STXBP5L: variants seen among roughly 807,000 people sequenced by gnomAD.
The protein encoded by STXBP5L is syntaxin-binding protein 5-like.
Under a neutral mutation model 144.5 loss-of-function variants are expected in STXBP5L, and 65 were observed. That is an observed-to-expected ratio of 0.45 (90% CI 0.37 to 0.55). The LOEUF is 0.55. STXBP5L is among the 20% of genes least tolerant of loss of function. STXBP5L has a pLI of 0.00. For synonymous variants in STXBP5L, 505 were observed against 469.6 expected (o/e 1.08, Z -0.97); for missense variants, 1,298 against 1,405.5 (o/e 0.92, Z 1.22).
intron 20 of STXBP5L, chr3:121,357,328 G>GA (rs2045552175): frequency 6.0e-6 from 1 of 165,944 alleles, no homozygotes; most frequent in African/African-American, 2.4e-5. Context: ...ATGTGTGTGT[G>GA]AAAATGAATA....
chr3:121,378,166 T>C (rs538905662), intron 20 of STXBP5L, among the ~76,000 whole-genome samples: 30 of 144,736 alleles, frequency 2.1e-4, no homozygotes, highest in African/African-American at 7.2e-4. Context: ...CCGAGGCCTG[T>C]CGGGGGGTGG....
Position 121,424,365 on chromosome 3 carries a change from TC to T in STXBP5L, c.*5269del, listed in dbSNP as rs1407377756. 2 of 152,108 alleles carry T rather than the reference TC, an allele frequency of 1.3e-5. No individual in the cohort carries two copies. The highest frequency in any genetic ancestry group is 2.9e-5 in the Non-Finnish European group (2 of 68,008). The allele number at this position is 152,108 out of a possible 1,614,324, so 9.4% of individuals were successfully genotyped here. On this transcript the variant is annotated 3_prime_UTR_variant, in exon 27 of 27. Coordinates refer to ENST00000471454, the MANE Select transcript of STXBP5L (RefSeq NM_001308330.2). ...GTGCCCTGAAAGGGTGCTTACACCT[TC>T]AAAAAAGGAGAGTCCAGCCTATCAA... is the stretch of plus-strand genomic sequence containing the variant.
At chr3:121,160,344 A>G (rs1238448784) in intron 9 of STXBP5L, among the ~76,000 whole-genome samples, 2 of 152,230 alleles carry the variant, frequency 1.3e-5, no homozygotes, top group Admixed American at 6.5e-5. Flanking sequence ...TTGTATACAC[A>G]GATTCTTCAC....
rs377131506 is a variant in STXBP5L, at chr3:121,240,469, C to T, written c.1362C>T (p.Asn454=). 18 of 1,613,282 alleles carry T rather than the reference C, an allele frequency of 1.1e-5. No homozygotes were observed. Among genetic ancestry groups the T allele is most frequent in the Middle Eastern group, 1.6e-4 (1 of 6,072 alleles). The change falls in exon 14 of 27, where the codon AAC becomes AAT. Residue 454 remains asparagine (N), a synonymous_variant. Transcript: ENST00000471454. ...GGCCAATCAGTGGAGGAGCTTGGAA[C>T]CTTGGAGCACAAACATATCCAGAAA... is the stretch of plus-strand genomic sequence containing the variant. ...KEWPISGGAW[N]LGAQTYPEII...
intron 8 of STXBP5L, among the ~76,000 whole-genome samples, chr3:121,153,624 CAGTT>C (rs1267725828): frequency 6.6e-6 from 1 of 151,876 alleles, no homozygotes; most frequent in South Asian, 2.1e-4. Context: ...CCCCTCATAA[CAGTT>C]AATTTTTTAA....
chr3:120,990,271 A>G (rs1490349837), intron 3 of STXBP5L, among the ~76,000 whole-genome samples: 1 of 152,206 alleles, frequency 6.6e-6, no homozygotes, highest in Non-Finnish European at 1.5e-5. Context: ...GACCTCTTCA[A>G]GGAGAACTAC....
At chr3:121,397,610 CA>C (rs1399751198) in intron 22 of STXBP5L, among the ~76,000 whole-genome samples, 1 of 152,140 alleles carries the variant, frequency 6.6e-6, no homozygotes, top group Non-Finnish European at 1.5e-5. Flanking sequence ...GCGGTACTTT[CA>C]AAGCTTGCAA....
intron 10 of STXBP5L, among the ~76,000 whole-genome samples, chr3:121,212,157 T>A (rs1278968629): frequency 1.3e-5 from 2 of 152,238 alleles, no homozygotes; most frequent in Non-Finnish European, 2.9e-5. Context: ...CCTCCCATTC[T>A]GTAGGTTGCC....
At chr3:121,300,894 C>A (rs547503022) in intron 19 of STXBP5L, among the ~76,000 whole-genome samples, 1 of 152,192 alleles carries the variant, frequency 6.6e-6, no homozygotes, top group South Asian at 2.1e-4. Flanking sequence ...AGTGTATATG[C>A]TATTTATAAA....
intron 3 of STXBP5L, among the ~76,000 whole-genome samples, chr3:121,026,631 T>C (rs998128043): frequency 3.3e-5 from 5 of 151,948 alleles, no homozygotes; most frequent in Non-Finnish European, 4.4e-5. Flanking sequence ...TTGATGAACA[T>C]AGGGCAAAGA....
intron 3 of STXBP5L, among the ~76,000 whole-genome samples, chr3:121,019,598 CTT>C (rs1945399012): frequency 6.6e-6 from 1 of 152,162 alleles, no homozygotes; most frequent in Admixed American, 6.5e-5. Flanking sequence ...TCACAGGACT[CTT>C]TGCAGACACT....
intron 22 of STXBP5L, among the ~76,000 whole-genome samples, chr3:121,401,094 A>G (rs2046861837): frequency 6.6e-6 from 1 of 152,136 alleles, no homozygotes; most frequent in East Asian, 1.9e-4. Flanking sequence ...GACAGAATAA[A>G]TGAGAGCAAT....
intron 3 of STXBP5L, among the ~76,000 whole-genome samples, chr3:120,974,885 C>A (rs1559935172): frequency 6.6e-6 from 1 of 152,116 alleles, no homozygotes; most frequent in African/African-American, 2.4e-5. Context: ...GGGCTCTGTT[C>A]TGTTCCATTG....
intron 2 of STXBP5L, among the ~76,000 whole-genome samples, chr3:120,950,878 G>A (rs1488447689): frequency 2.0e-5 from 3 of 152,180 alleles, no homozygotes; most frequent in South Asian, 2.1e-4. Context: ...CAAAGCTGGA[G>A]GCATCACGCT....
In STXBP5L at chr3:121,418,569, A is replaced by G. The variant is rs868321412; in HGVS notation, c.3447+12A>G. 5 of 1,612,680 alleles carry G rather than the reference A, an allele frequency of 3.1e-6. No homozygotes were observed. Among genetic ancestry groups the G allele is most frequent in the Middle Eastern group, 3.4e-4 (2 of 5,860 alleles). Reference sequence around the variant, plus strand: ...AACATGCACATGAGGTAAACTGCCTAAGTAAATACAGACATCTTCATACAG... The same window carrying G: ...AACATGCACATGAGGTAAACTGCCTGAGTAAATACAGACATCTTCATACAG... On this transcript the variant is annotated intron_variant, in intron 26 of 26. Transcript: ENST00000471454.
At chr3:121,130,767 C>T (rs1201287300) in intron 7 of STXBP5L, among the ~76,000 whole-genome samples, 1 of 151,956 alleles carries the variant, frequency 6.6e-6, no homozygotes, top group Non-Finnish European at 1.5e-5. Context: ...AAATTTTCTT[C>T]CACTTGAAAA....
chr3:121,053,260 G>A (rs981755927), intron 5 of STXBP5L, among the ~76,000 whole-genome samples: 21 of 151,882 alleles, frequency 1.4e-4, no homozygotes, highest in African/African-American at 2.4e-4. Flanking sequence ...TTCATATGGA[G>A]CCAAAAAAAT....
chr3:121,273,527 A>G (rs955233852), intron 18 of STXBP5L, among the ~76,000 whole-genome samples: 1 of 151,892 alleles, frequency 6.6e-6, no homozygotes, highest in Non-Finnish European at 1.5e-5. Context: ...GAACTTCATA[A>G]ATCTGGATAT....
At chr3:121,384,968 A>G (rs770488029) in intron 22 of STXBP5L, among the ~76,000 whole-genome samples, 1 of 152,044 alleles carries the variant, frequency 6.6e-6, no homozygotes, top group Non-Finnish European at 1.5e-5. Flanking sequence ...AAATTATTCT[A>G]TAATGATCAG....
Sources: gnomAD v4.1 joint callset for allele counts (sites outside exome capture counted in the v4.1 genomes callset) on GRCh38, gnomAD v4.1.1 for gene constraint, MANE v1.5 for transcripts, NCBI Gene and HGNC (gene_info 2026-07-23, HGNC 2026-07-21) for gene names.